The following SEMA5A variants were observed in gnomAD, a reference collection of about 807,000 sequenced individuals.
SEMA5A encodes the protein semaphorin 5A.
A neutral mutation model predicts 135.5 loss-of-function variants in SEMA5A; 55 were observed. The observed-to-expected ratio is 0.41, with a 90% confidence interval of 0.33 to 0.51. SEMA5A has a LOEUF of 0.51. Ranked by LOEUF, SEMA5A falls within the 20% of genes least tolerant of loss-of-function variation. SEMA5A has a pLI of 0.37. For missense variants in SEMA5A, 1,290 were observed against 1,419.9 expected (o/e 0.91, Z 1.47); for synonymous variants, 580 against 546.5 (o/e 1.06, Z -0.85).
chr5:9,332,376 C>T (rs538516187), intron 4 of SEMA5A, among the ~76,000 whole-genome samples: 1 of 150,506 alleles, frequency 6.6e-6, no homozygotes, highest in South Asian at 2.1e-4. Flanking sequence ...GCAATGCATG[C>T]AGCTATGGGT....
intron 3 of SEMA5A, among the ~76,000 whole-genome samples, chr5:9,351,933 G>A (rs753361644): frequency 1.1e-4 from 16 of 152,224 alleles, no homozygotes; most frequent in African/African-American, 2.2e-4. Context: ...CTCAGACTCC[G>A]CTGCTTTTCA....
chr5:9,125,670 G>A (rs1205039086), intron 13 of SEMA5A, among the ~76,000 whole-genome samples: 1 of 151,888 alleles, frequency 6.6e-6, no homozygotes, highest in African/African-American at 2.4e-5. Context: ...CATTTCCAAG[G>A]TCTCGGTGGC....
chr5:9,393,716 A>T (rs1756266180), intron 2 of SEMA5A, among the ~76,000 whole-genome samples: 1 of 152,212 alleles, frequency 6.6e-6, no homozygotes, highest in Admixed American at 6.5e-5. Flanking sequence ...CTAACAAACA[A>T]ATTAGTGTCT....
intron 8 of SEMA5A, among the ~76,000 whole-genome samples, chr5:9,213,015 G>C (rs553009248): frequency 4.6e-4 from 70 of 152,296 alleles, no homozygotes; most frequent in Non-Finnish European, 7.9e-4. Context: ...TCTGGCAAGG[G>C]TTTGCTTTCT....
chr5:9,066,342 C>T, intron 17 of SEMA5A, 79 bp downstream of exon 17: 10 of 1,377,814 alleles, frequency 7.3e-6, no homozygotes, highest in Non-Finnish European at 1.0e-5. Flanking sequence ...AAAATGCCCC[C>T]TTGCTGTTTA....
intron 4 of SEMA5A, among the ~76,000 whole-genome samples, chr5:9,323,140 C>T (rs1435531093): frequency 6.6e-6 from 1 of 152,112 alleles, no homozygotes; most frequent in Admixed American, 6.5e-5. Flanking sequence ...AAGAATATCC[C>T]TATTTCTTAA....
intron 1 of SEMA5A, chr5:9,511,867 TAAC>T (rs776348624): frequency 6.6e-6 from 1 of 152,198 alleles, no homozygotes; most frequent in Admixed American, 6.5e-5. Context: ...GAATTCCTGT[TAAC>T]AACTAGAAAA....
At chr5:9,336,810 GCA>G in intron 4 of SEMA5A, among the ~76,000 whole-genome samples, 1 of 152,260 alleles carries the variant, frequency 6.6e-6, no homozygotes, top group Non-Finnish European at 1.5e-5. Context: ...TAGAGAGACT[GCA>G]AAACCTCTGT....
rs1471349775 is a variant in SEMA5A, at chr5:9,491,971, A to G, written c.-175+53613T>C. On this transcript the variant is annotated intron_variant, in intron 1 of 22. Transcript: ENST00000382496. The stretch of plus-strand genomic sequence containing the variant: ...CTCTTCCTTGGCAAATCTATGACCA[A>G]TCTTCCTGGATTACAGATAGAAGAC... Among the ~76,000 whole-genome samples the G allele has an allele frequency of 3.3e-5, 5 of 152,200 alleles. No homozygotes were observed. In the South Asian group the frequency reaches 8.3e-4, roughly 25 times the overall value.
In SEMA5A at chr5:9,038,707, G is replaced by GA. The variant is rs1366503445; in HGVS notation, c.*4189dup. The GA allele has an allele frequency of 6.7e-6, 1 of 150,082 alleles. No homozygotes were observed. The highest frequency in any genetic ancestry group is 6.7e-5 in the Admixed American group (1 of 14,840). 9.3% of individuals were successfully genotyped at this position (150,082 alleles called of 1,614,324 possible). A position where few individuals can be genotyped will look rare whatever the true frequency, so the allele number is the denominator to read the frequency against. Reference sequence around the variant, plus strand: ...CCTTAGAGAGCCACTTGGGGACATAGAGACCCCCCGCTAAGACTTTGTTCT... The same window carrying GA: ...CCTTAGAGAGCCACTTGGGGACATAGAAGACCCCCCGCTAAGACTTTGTTCT... On this transcript the variant is annotated 3_prime_UTR_variant, in exon 23 of 23. Transcript: ENST00000382496.
Position 9,224,877 on chromosome 5 carries a change from A to G in SEMA5A, c.443T>C (p.Leu148Pro). The change falls in exon 8 of 23, where the codon CTG becomes CCG. Residue 148 changes from leucine to proline, a missense_variant. Coordinates refer to ENST00000382496, the MANE Select transcript of SEMA5A (RefSeq NM_003966.3). ...PVCTNRSLSN[L>P]TEIHDQISGM... ...ACTGATCTGATCATGGATCTCAGTC[A>G]GGTTGCTCAACTGTGGGGGAGGATG... is the stretch of plus-strand genomic sequence containing the variant. 1 of 1,612,484 alleles carries G rather than the reference A, an allele frequency of 6.2e-7. No individual in the cohort carries two copies. The highest frequency in any genetic ancestry group is 8.5e-7 in the Non-Finnish European group (1 of 1,179,192).
chr5:9,046,917 C>G (rs189854), intron 21 of SEMA5A, among the ~76,000 whole-genome samples: 101,938 of 152,074 alleles, frequency 0.67, 36,020 homozygotes, highest in East Asian at 0.93. Context: ...CTCACTCACT[C>G]ACTCACAACC....
At chr5:9,311,289 T>C (rs1279543859) in intron 5 of SEMA5A, among the ~76,000 whole-genome samples, 1 of 151,886 alleles carries the variant, frequency 6.6e-6, no homozygotes, top group African/African-American at 2.4e-5. Context: ...GAAGGTGAAA[T>C]TGTCGGAAGT....
chr5:9,526,228 TCTC>T (rs1271841882), intron 1 of SEMA5A, among the ~76,000 whole-genome samples: 1 of 152,204 alleles, frequency 6.6e-6, no homozygotes, highest in Non-Finnish European at 1.5e-5. Context: ...TGAGGAAAGT[TCTC>T]CTCTTTTCCA....
intron 5 of SEMA5A, chr5:9,280,827 A>G (rs974680255): frequency 4.6e-6 from 2 of 430,546 alleles, no homozygotes; most frequent in African/African-American, 2.0e-5. Flanking sequence ...AATTGTTCCA[A>G]TTATGAATAA....
At chr5:9,137,751 G>A (rs1741840886) in intron 12 of SEMA5A, among the ~76,000 whole-genome samples, 1 of 152,196 alleles carries the variant, frequency 6.6e-6, no homozygotes, top group Admixed American at 6.5e-5. Flanking sequence ...CCTGTCAGCA[G>A]GGAGGTAGCG....
chr5:9,388,469 G>GA (rs397996757), intron 2 of SEMA5A, among the ~76,000 whole-genome samples: 6,694 of 110,404 alleles, frequency 0.061, 195 homozygotes, highest in Middle Eastern at 0.1. Context: ...TCCTTTCTAA[G>GA]AAAAAAAAAA....
At chr5:9,280,892 G>A (rs1347537653) in intron 5 of SEMA5A, 3 of 287,858 alleles carry the variant, frequency 1.0e-5, no homozygotes, top group Non-Finnish European at 2.1e-5. Flanking sequence ...GTGTATCTGT[G>A]TGTATACAAT....
chr5:9,207,344 C>T lies in SEMA5A; in HGVS notation c.647-5104G>A, dbSNP rs1031589716. Among the ~76,000 whole-genome samples the T allele has an allele frequency of 4.6e-5, 7 of 151,720 alleles. 1 individual carries two copies. Among genetic ancestry groups the T allele is most frequent in the African/African-American group, 1.2e-4 (5 of 41,270 alleles). Reference sequence around the variant, plus strand: ...GGGATTCCAGGTGTGCACCACCACACCCGGCTAATTTTGTATTTTTAATAG... The same window carrying T: ...GGGATTCCAGGTGTGCACCACCACATCCGGCTAATTTTGTATTTTTAATAG... On this transcript the variant is annotated intron_variant, in intron 8 of 22. Transcript: ENST00000382496.
Sources: allele counts gnomAD v4.1 joint callset (sites outside exome capture counted in the v4.1 genomes callset), GRCh38; gene constraint gnomAD v4.1.1; transcripts MANE v1.5; gene names NCBI Gene and HGNC (gene_info 2026-07-23, HGNC 2026-07-21).